The following NCAM2 variants were observed in gnomAD, a reference collection of about 807,000 sequenced individuals.
NCAM2 encodes neural cell adhesion molecule 2.
NCAM2 carries 30 observed loss-of-function variants against 98.1 expected under a neutral mutation model. The observed-to-expected ratio is 0.31, with a 90% CI of 0.23 to 0.41. The LOEUF (loss-of-function observed/expected upper bound fraction) is 0.41, where lower values mean the gene tolerates loss of function less well. Among genes scored for constraint, NCAM2 ranks in the 10% least tolerant of loss-of-function variants. The pLI, the probability that NCAM2 is intolerant of heterozygous loss-of-function variation, is 1.00. For synonymous variants in NCAM2, 368 were observed against 342.4 expected (o/e 1.07, Z -0.83); for missense variants, 867 against 1,005.8 (o/e 0.86, Z 1.87).
chr21:21,374,439 A>C (rs537659082), intron 9 of NCAM2, among the ~76,000 whole-genome samples: 50 of 152,074 alleles, frequency 3.3e-4, no homozygotes, highest in African/African-American at 1.2e-3. Context: ...TAAACTATAA[A>C]GAGTATTTTA....
intron 1 of NCAM2, among the ~76,000 whole-genome samples, chr21:21,184,325 G>T (rs1294194464): frequency 2.6e-5 from 4 of 151,454 alleles, no homozygotes; most frequent in African/African-American, 4.8e-5. Context: ...AAAAAAAAAA[G>T]AAAAGAAAAA....
Position 21,432,289 on chromosome 21 carries a change from A to G in NCAM2, c.1654+8A>G. 6.2e-7 allele frequency: 1 copy of G among 1,610,844 alleles called. No individual in the cohort carries two copies. ...GCTCCCATGGAGTTCAAAGTGAGTC[A>G]ACAATTTCAAAATGTGTTGGTTAAT... On this transcript the variant is annotated splice_region_variant and intron_variant, in intron 12 of 17. Coordinates refer to ENST00000400546, the MANE Select transcript of NCAM2 (RefSeq NM_004540.5).
intron 1 of NCAM2, among the ~76,000 whole-genome samples, chr21:21,129,688 C>A (rs1051241434): frequency 6.6e-6 from 1 of 151,668 alleles, no homozygotes; most frequent in African/African-American, 2.4e-5. Flanking sequence ...CCTCTTTTGT[C>A]GCTGTTGCCA....
intron 1 of NCAM2, among the ~76,000 whole-genome samples, chr21:21,190,867 A>C (rs914761881): frequency 6.6e-6 from 1 of 152,274 alleles, no homozygotes; most frequent in South Asian, 2.1e-4. Context: ...ACCATATGTA[A>C]AGTAGCATAT....
rs188665898 is a variant in NCAM2 at position 21,115,041 on chromosome 21, G to A, written c.55+116423G>A. On this transcript the variant is annotated intron_variant, in intron 1 of 17. Coordinates refer to ENST00000400546, the MANE Select transcript of NCAM2 (RefSeq NM_004540.5). Reference sequence around the variant, plus strand: ...TCACCATGTTGGCCAGGCTGGTCTCGAACTCCTGACCTTAGGTAATCTGCC... The same window carrying A: ...TCACCATGTTGGCCAGGCTGGTCTCAAACTCCTGACCTTAGGTAATCTGCC... Among the ~76,000 whole-genome samples, 6 of 152,038 alleles carry A rather than the reference G, an allele frequency of 3.9e-5. 1 individual carries two copies. In the East Asian group the frequency reaches 1.2e-3, roughly 30 times the overall value.
At chr21:21,508,440 T>A (rs551113364) in intron 15 of NCAM2, among the ~76,000 whole-genome samples, 1 of 152,176 alleles carries the variant, frequency 6.6e-6, no homozygotes, top group African/African-American at 2.4e-5. Flanking sequence ...AAGTTTTGAT[T>A]ATAATTTTCT....
chr21:21,305,709 T>G (rs753737984), intron 5 of NCAM2, among the ~76,000 whole-genome samples: 3 of 152,100 alleles, frequency 2.0e-5, no homozygotes, highest in Non-Finnish European at 2.9e-5. Flanking sequence ...TGGTTTTTCT[T>G]GATTTTATAT....
chr21:21,327,705 T>A (rs1364697075), intron 6 of NCAM2, among the ~76,000 whole-genome samples: 1 of 152,186 alleles, frequency 6.6e-6, no homozygotes, highest in Admixed American at 6.5e-5. Context: ...CTCACTCTTA[T>A]ACTCTCATTT....
At chr21:21,068,832 T>A (rs1222513772) in intron 1 of NCAM2, among the ~76,000 whole-genome samples, 1 of 152,174 alleles carries the variant, frequency 6.6e-6, no homozygotes, top group Non-Finnish European at 1.5e-5. Context: ...AATATTCCAG[T>A]TTGTGAAGTC....
intron 1 of NCAM2, among the ~76,000 whole-genome samples, chr21:21,169,577 C>A (rs778615451): frequency 8.5e-5 from 13 of 152,156 alleles, no homozygotes; most frequent in Non-Finnish European, 1.8e-4. Context: ...ATACAAATAA[C>A]TCTTAAAATT....
chr21:21,165,152 A>T (rs937767675), intron 1 of NCAM2, among the ~76,000 whole-genome samples: 1 of 152,152 alleles, frequency 6.6e-6, no homozygotes, highest in Non-Finnish European at 1.5e-5. Context: ...GGGCAAAGGG[A>T]AATGGCAGAT....
chr21:21,526,667 C>T (rs1286445345), intron 16 of NCAM2, among the ~76,000 whole-genome samples: 1 of 151,994 alleles, frequency 6.6e-6, no homozygotes, highest in East Asian at 1.9e-4. Context: ...CCCACAATAA[C>T]CAAAGTAATA....
chr21:21,526,269 G>C (rs1473966268), intron 16 of NCAM2, among the ~76,000 whole-genome samples: 1 of 152,136 alleles, frequency 6.6e-6, no homozygotes, highest in Middle Eastern at 3.4e-3. Flanking sequence ...ATTATAGCAA[G>C]GTTGCAGGAT....
At chr21:21,389,260 T>C (rs1482841787) in intron 9 of NCAM2, among the ~76,000 whole-genome samples, 1 of 152,036 alleles carries the variant, frequency 6.6e-6, no homozygotes, top group Admixed American at 6.6e-5. Context: ...GCACGGGAAT[T>C]CCCTTTAAAA....
intron 1 of NCAM2, among the ~76,000 whole-genome samples, chr21:21,110,465 C>G (rs1231882225): frequency 6.6e-6 from 1 of 151,552 alleles, no homozygotes; most frequent in African/African-American, 2.4e-5. Flanking sequence ...TAGGTAAGGA[C>G]AAAGAAAGAA....
chr21:21,510,589 T>A (rs1479994835), intron 16 of NCAM2, among the ~76,000 whole-genome samples: 3 of 16,940 alleles, frequency 1.8e-4, no homozygotes, highest in African/African-American at 7.2e-4. Context: ...CTCATACTGT[T>A]TTATAGACAC....
At chr21:21,046,179 C>CATGATACAAG (rs1390438449) in intron 1 of NCAM2, among the ~76,000 whole-genome samples, 1 of 152,170 alleles carries the variant, frequency 6.6e-6, no homozygotes, top group Non-Finnish European at 1.5e-5. Flanking sequence ...AGCAGTGTCT[C>CATGATACAAG]ATGATACAAG....
chr21:21,020,190 C>G (rs1294199504), intron 1 of NCAM2, among the ~76,000 whole-genome samples: 1 of 152,098 alleles, frequency 6.6e-6, no homozygotes, highest in Non-Finnish European at 1.5e-5. Flanking sequence ...TGCCCACCAC[C>G]AAGCCTGGCT....
At chr21:21,297,234 A>C (rs577338043) in intron 5 of NCAM2, among the ~76,000 whole-genome samples, 6 of 151,922 alleles carry the variant, frequency 3.9e-5, no homozygotes, top group African/African-American at 1.4e-4. Flanking sequence ...GCATAAATTC[A>C]TAGGTAGATT....
Sources: gnomAD v4.1 joint callset for allele counts (sites outside exome capture counted in the v4.1 genomes callset) on GRCh38, gnomAD v4.1.1 for gene constraint, MANE v1.5 for transcripts, NCBI Gene and HGNC (gene_info 2026-07-23, HGNC 2026-07-21) for gene names.